Variants in PITHD1 observed in about 807,000 individuals in gnomAD.
PITHD1 encodes the protein PITH domain-containing protein 1.
PITHD1 carries 8 observed loss-of-function variants against 27.5 expected under a neutral mutation model. The ratio of observed to expected loss-of-function variants is 0.29; its 90% CI spans 0.17 to 0.52. PITHD1 has a LOEUF of 0.52. Among genes scored for constraint, PITHD1 ranks in the 20% least tolerant of loss-of-function variants. The probability of loss-of-function intolerance (pLI) is 0.96; values close to 1 mark genes in which losing one functional copy is unlikely to be tolerated. For synonymous variants in PITHD1, 118 were observed against 106.8 expected, an observed-to-expected ratio of 1.10 and a Z score of -0.64; for missense variants, 233 against 283.9, an observed-to-expected ratio of 0.82 and a Z score of 1.29.
At chr1:23,781,998 T>C (rs1346877821) in intron 3 of PITHD1, among the ~76,000 whole-genome samples, 1 of 152,222 alleles carries the variant, frequency 6.6e-6, no homozygotes, top group East Asian at 1.9e-4. Context: ...AATGTACCAT[T>C]ATATTCAATT....
At chr1:23,783,696 C>G (rs1479966525) in intron 3 of PITHD1, among the ~76,000 whole-genome samples, 1 of 151,988 alleles carries the variant, frequency 6.6e-6, no homozygotes, top group African/African-American at 2.4e-5. Flanking sequence ...CTCAAGTGAT[C>G]CGCCTGCCTC....
intron 5 of PITHD1, 45 bp from the exon 6 acceptor site, chr1:23,787,230 C>T (rs761003625): frequency 1.6e-6 from 2 of 1,274,452 alleles, no homozygotes; most frequent in Non-Finnish European, 2.3e-6. Flanking sequence ...TGGGAAAGGA[C>T]AGTTCTTTTA....
chr1:23,778,798 A>C, intron 1 of PITHD1, 85 bp downstream of exon 1: 3 of 812,648 alleles, frequency 3.7e-6, no homozygotes, highest in Non-Finnish European at 5.0e-6. Flanking sequence ...GATGTTAAGA[A>C]TAACGACAGC....
At chr1:23,783,357 G>A (rs539109535) in intron 3 of PITHD1, among the ~76,000 whole-genome samples, 56 of 145,264 alleles carry the variant, frequency 3.9e-4, no homozygotes, top group African/African-American at 1.1e-3. Context: ...ACATATATAC[G>A]CATATATATA....
intron 3 of PITHD1, among the ~76,000 whole-genome samples, chr1:23,780,152 G>A (rs1025543660): frequency 2.0e-5 from 3 of 152,120 alleles, no homozygotes; most frequent in Non-Finnish European, 2.9e-5. Context: ...GCCCAACAGC[G>A]TGTCTCATAT....
chr1:23,784,735 C>T (rs1007400088), intron 3 of PITHD1, among the ~76,000 whole-genome samples: 4 of 151,954 alleles, frequency 2.6e-5, no homozygotes, highest in African/African-American at 9.7e-5. Flanking sequence ...TTTATTTATT[C>T]TGAGACAGAG....
chr1:23,780,311 A>G (rs1354294778), intron 3 of PITHD1, among the ~76,000 whole-genome samples: 2 of 152,066 alleles, frequency 1.3e-5, no homozygotes, highest in South Asian at 2.1e-4. Flanking sequence ...TTTCCTTGCT[A>G]TTTCATACAG....
Position 23,778,599 on chromosome 1 carries a change from C to T in PITHD1, c.84C>T (p.Ala28=). 1 of 1,330,216 alleles carries T rather than the reference C, an allele frequency of 7.5e-7. No individual in the cohort carries two copies. The highest frequency in any genetic ancestry group is 9.6e-7 in the Non-Finnish European group (1 of 1,041,590). The allele number at this position is 1,330,216 out of a possible 1,614,324, so 82.4% of individuals were successfully genotyped here. A position where few individuals can be genotyped will look rare whatever the true frequency, so the allele number is the denominator to read the frequency against. ...AGCCGCCCGAGCAGCGCGGCCTGGC[C>T]TACGGCCTGTACCTGCGCATCGACC... The part of the protein sequence containing the change: ...REEPPEQRGL[A]YGLYLRIDLE... Residue 28 remains alanine, a synonymous_variant, in exon 1 of 6, where the codon GCC becomes GCT. Transcript: ENST00000246151.
chr1:23,785,574 A>G (rs139007526), intron 3 of PITHD1, 101 bp from the exon 4 acceptor site: 110 of 652,620 alleles, frequency 1.7e-4, no homozygotes, highest in African/African-American at 1.6e-3. Flanking sequence ...TCAGTCTCCT[A>G]TTGATAGAAC....
chr1:23,783,409 A>G (rs965531617), intron 3 of PITHD1, among the ~76,000 whole-genome samples: 5 of 144,714 alleles, frequency 3.5e-5, no homozygotes, highest in African/African-American at 5.1e-5. Flanking sequence ...GCATATATAC[A>G]CATATATATG....
chr1:23,784,585 T>C (rs1045609793), intron 3 of PITHD1, among the ~76,000 whole-genome samples: 3 of 152,150 alleles, frequency 2.0e-5, no homozygotes, highest in Non-Finnish European at 4.4e-5. Context: ...TATCGAGGCC[T>C]CTTCTGTGTG....
At chr1:23,779,202 C>T (rs1226551616) in intron 1 of PITHD1, among the ~76,000 whole-genome samples, 1 of 152,152 alleles carries the variant, frequency 6.6e-6, no homozygotes, top group Non-Finnish European at 1.5e-5. Flanking sequence ...GAAGGCTCTT[C>T]GACCCTGGAA....
chr1:23,780,598 T>C (rs896087060), intron 3 of PITHD1, among the ~76,000 whole-genome samples: 8 of 152,084 alleles, frequency 5.3e-5, no homozygotes, highest in Non-Finnish European at 8.8e-5. Context: ...AGATGATATA[T>C]AGGCTGGGCA....
chr1:23,783,212 T>C (rs1487973104), intron 3 of PITHD1, among the ~76,000 whole-genome samples: 1 of 150,982 alleles, frequency 6.6e-6, no homozygotes, highest in Non-Finnish European at 1.5e-5. Flanking sequence ...TTAGCAAGGA[T>C]GGTCTCGATC....
chr1:23,782,521 G>A (rs548981358), intron 3 of PITHD1, among the ~76,000 whole-genome samples: 2 of 152,236 alleles, frequency 1.3e-5, no homozygotes, highest in South Asian at 4.2e-4. Context: ...CTTGAGCCTA[G>A]GAATTAAAGG....
Position 23,785,721 on chromosome 1 carries a change from C to T in PITHD1, c.367C>T (p.Pro123Ser). 2 of 1,610,010 alleles carry T rather than the reference C, an allele frequency of 1.2e-6. No individual in the cohort carries two copies. Among genetic ancestry groups the T allele is most frequent in the Non-Finnish European group, 1.7e-6 (2 of 1,176,372 alleles). Residue 123 changes from proline to serine, a missense_variant, in exon 4 of 6, where the codon CCA (proline) becomes TCA (serine). Transcript: ENST00000246151. ...GTCCTTTGATGATACAGAAAGGGAGCCAGATCAGACCTTTAGTCTGAACCG... is the reference window on the plus strand; with the variant it reads ...GTCCTTTGATGATACAGAAAGGGAGTCAGATCAGACCTTTAGTCTGAACCG... ...QMSFDDTEREPDQTFSLNRDL... is the reference protein window; with the variant it reads ...QMSFDDTERESDQTFSLNRDL...
At chr1:23,779,536 C>G in intron 2 of PITHD1, 55 bp downstream of exon 2, 1 of 1,268,426 alleles carries the variant, frequency 7.9e-7, no homozygotes, top group Non-Finnish European at 1.2e-6. Flanking sequence ...CCAGTTGCCT[C>G]AGATGGATTC....
At chr1:23,779,400 T>C (rs758115052) in intron 1 of PITHD1, 38 bp from the exon 2 acceptor site, 6 of 1,548,044 alleles carry the variant, frequency 3.9e-6, no homozygotes, top group Admixed American at 3.3e-5. Flanking sequence ...TCAGCAAATA[T>C]TTGTTGCTTT....
intron 3 of PITHD1, among the ~76,000 whole-genome samples, chr1:23,781,807 A>C (rs1000108231): frequency 2.6e-5 from 4 of 152,218 alleles, no homozygotes; most frequent in Admixed American, 1.3e-4. Flanking sequence ...GTAACAGTGC[A>C]TACATACCTC....
Sources: gnomAD v4.1 joint callset for allele counts (sites outside exome capture counted in the v4.1 genomes callset) on GRCh38, gnomAD v4.1.1 for gene constraint, MANE v1.5 for transcripts, NCBI Gene and HGNC (gene_info 2026-07-23, HGNC 2026-07-21) for gene names.